The following FBN2 variants were observed in gnomAD, a reference collection of about 807,000 sequenced individuals.
FBN2 encodes the protein fibrillin-2.
Under a neutral mutation model 355.6 loss-of-function variants are expected in FBN2, and 105 were observed. That is an observed-to-expected ratio of 0.30 (90% CI 0.25 to 0.35). FBN2 has a LOEUF of 0.35. FBN2 is among the 10% of genes least tolerant of loss of function. The probability of loss-of-function intolerance (pLI) is 1.00; values close to 1 mark genes in which losing one functional copy is unlikely to be tolerated. For missense variants in FBN2, 3,280 were observed against 3,758.7 expected (o/e 0.87, Z 3.33); for synonymous variants, 1,350 against 1,301.2 (o/e 1.04, Z -0.81).
In FBN2 at chr5:128,354,574, C is replaced by T. The variant is rs1013034602; in HGVS notation, c.2674+2702G>A. Among the ~76,000 whole-genome samples, 5 of 152,074 alleles carry T rather than the reference C, an allele frequency of 3.3e-5. No individual in the cohort carries two copies. The East Asian group carries it at 7.7e-4, about 23-fold the overall frequency. On this transcript the variant is annotated intron_variant, in intron 20 of 64. Transcript: ENST00000262464. ...AAGGTAGAGGCTACAGTAGTAATTA[C>T]GAAGAGAAATGATGGTGACTTGGAT... is the stretch of plus-strand genomic sequence containing the variant.
intron 5 of FBN2, among the ~76,000 whole-genome samples, chr5:128,484,915 T>C (rs570067640): frequency 6.6e-6 from 1 of 152,180 alleles, no homozygotes; most frequent in Non-Finnish European, 1.5e-5. Context: ...GGCATGTGAC[T>C]GGGAGAGCAA....
At chr5:128,261,938 T>G in intron 63 of FBN2, 31 bp from the exon 64 acceptor site, 2 of 1,596,104 alleles carry the variant, frequency 1.3e-6, no homozygotes, top group Non-Finnish European at 1.7e-6. Flanking sequence ...ATTGTTAGAC[T>G]TTATCACTGA....
At chr5:128,475,172 CAA>C (rs1754977821) in intron 5 of FBN2, among the ~76,000 whole-genome samples, 1 of 152,118 alleles carries the variant, frequency 6.6e-6, no homozygotes, top group South Asian at 2.1e-4. Context: ...GGCGCAAGAG[CAA>C]AGACATCCCC....
intron 7 of FBN2, among the ~76,000 whole-genome samples, chr5:128,440,038 T>C (rs1005373926): frequency 6.6e-6 from 1 of 152,220 alleles, no homozygotes; most frequent in African/African-American, 2.4e-5. Flanking sequence ...TTGATTTAAA[T>C]GGCACAATTT....
At chr5:128,387,951 C>T (rs1165136039) in intron 11 of FBN2, among the ~76,000 whole-genome samples, 1 of 152,034 alleles carries the variant, frequency 6.6e-6, no homozygotes, top group Non-Finnish European at 1.5e-5. Flanking sequence ...GTGTTAAAGC[C>T]TCTCACTATT....
chr5:128,291,011 T>G, intron 49 of FBN2, 127 bp from the exon 50 acceptor site: 1 of 808,796 alleles, frequency 1.2e-6, no homozygotes, highest in South Asian at 1.7e-5. Flanking sequence ...AATCTTCGAT[T>G]GCTGATTTCA....
Position 128,312,772 on chromosome 5 carries a change from G to C in FBN2, c.4741C>G (p.Leu1581Val). ...CCATCTCCTCGAGGTCCAAACTTCA[G>C]GTAGCAGTTGCCCACACGGTTGTCT... ...CVDNRVGNCY[L>V]KFGPRGDGSL... is the part of the protein sequence containing the mutation. Residue 1581 changes from leucine (L) to valine (V), a missense_variant, in exon 37 of 65, where the codon CTG becomes GTG. Around this residue, in one of 6 missense-constraint regions of FBN2, gnomAD observed 2,284 missense variants for 2,749.5 expected, o/e 0.83. Coordinates refer to ENST00000262464, the MANE Select transcript of FBN2 (RefSeq NM_001999.4). The C allele has an allele frequency of 1.9e-6, 3 of 1,613,842 alleles. No individual in the cohort carries two copies. Among genetic ancestry groups the C allele is most frequent in the Non-Finnish European group, 2.5e-6 (3 of 1,180,022 alleles).
At chr5:128,317,851 ATCCTGG>A (rs1750252099) in intron 36 of FBN2, among the ~76,000 whole-genome samples, 2 of 152,200 alleles carry the variant, frequency 1.3e-5, no homozygotes, top group Non-Finnish European at 2.9e-5. Flanking sequence ...ACTCTGGGTT[ATCCTGG>A]CCAAACACTG....
chr5:128,525,431 A>T (rs972787978), intron 4 of FBN2, among the ~76,000 whole-genome samples: 1 of 152,176 alleles, frequency 6.6e-6, no homozygotes, highest in African/African-American at 2.4e-5. Context: ...AGTCTGTTGT[A>T]GAAAATGTGG....
chr5:128,472,946 C>T (rs1320484439), intron 5 of FBN2, among the ~76,000 whole-genome samples: 1 of 152,008 alleles, frequency 6.6e-6, no homozygotes, highest in Non-Finnish European at 1.5e-5. Flanking sequence ...CAAAAATAAA[C>T]TGAGTATTTT....
intron 7 of FBN2, among the ~76,000 whole-genome samples, chr5:128,429,807 T>C (rs1408479481): frequency 1.3e-5 from 2 of 152,210 alleles, no homozygotes; most frequent in Admixed American, 1.3e-4. Context: ...ATTTAATTTG[T>C]GAAAGATGAT....
chr5:128,475,930 A>T (rs2127100418), intron 5 of FBN2, among the ~76,000 whole-genome samples: 1 of 152,340 alleles, frequency 6.6e-6, no homozygotes, highest in East Asian at 1.9e-4. Flanking sequence ...TGATAACAAC[A>T]GGAACTGAGA....
At chr5:128,271,943 T>C in intron 62 of FBN2, 56 bp downstream of exon 62, 7 of 1,604,352 alleles carry the variant, frequency 4.4e-6, no homozygotes, top group African/African-American at 2.7e-5. Flanking sequence ...GTTCATCTTA[T>C]TCAGAGACAC....
At chr5:128,401,779 C>G (rs1752804416) in intron 8 of FBN2, among the ~76,000 whole-genome samples, 1 of 151,922 alleles carries the variant, frequency 6.6e-6, no homozygotes, top group Admixed American at 6.6e-5. Context: ...GATTCCGTCT[C>G]AAAGAAAAAA....
intron 8 of FBN2, among the ~76,000 whole-genome samples, chr5:128,401,535 C>T (rs1752797732): frequency 6.6e-6 from 1 of 152,122 alleles, no homozygotes; most frequent in Non-Finnish European, 1.5e-5. Context: ...GTAATCCCAG[C>T]ACTTTGGGAG....
At chr5:128,366,036 C>A (rs1751756257) in intron 17 of FBN2, among the ~76,000 whole-genome samples, 1 of 151,978 alleles carries the variant, frequency 6.6e-6, no homozygotes, top group Non-Finnish European at 1.5e-5. Context: ...TGCACCATTA[C>A]TTAATGTTTT....
rs779849582 is a variant in FBN2 at position 128,393,200 on chromosome 5, A to G, written c.1400T>C (p.Phe467Ser). 6.2e-6 allele frequency: 10 copies of G among 1,614,022 alleles called. No individual in the cohort carries two copies. In the African/African-American group the frequency reaches 1.1e-4, roughly 17 times the overall value. ...GFIPIPGGNG[F>S]SPGVGGAGVG... is the part of the protein sequence containing the mutation. Reference sequence around the variant, plus strand: ...ACCGGCTCCCCCAACGCCAGGAGAAAAGCCATTGCCTCCAGGGATGGGGAT... The same window carrying G: ...ACCGGCTCCCCCAACGCCAGGAGAAGAGCCATTGCCTCCAGGGATGGGGAT... The change falls in exon 10 of 65, where the codon TTT becomes TCT. Residue 467 changes from phenylalanine (F) to serine (S), a missense_variant. Phe to Ser is a radical substitution (Grantham distance 155). Transcript: ENST00000262464.
At chr5:128,398,008 T>C (rs1457406414) in intron 8 of FBN2, among the ~76,000 whole-genome samples, 2 of 151,890 alleles carry the variant, frequency 1.3e-5, no homozygotes, top group African/African-American at 4.8e-5. Context: ...TGATGCTCTG[T>C]GGAGGAAAAA....
At chr5:128,358,165 C>T (rs942772673) in intron 19 of FBN2, among the ~76,000 whole-genome samples, 1 of 151,898 alleles carries the variant, frequency 6.6e-6, no homozygotes, top group South Asian at 2.1e-4. Flanking sequence ...AAATGTCAAG[C>T]CTGTAATGTG....
Sources: gnomAD v4.1 joint callset for allele counts (sites outside exome capture counted in the v4.1 genomes callset) on GRCh38, gnomAD v4.1.1 for gene constraint, gnomAD v4.1.1 regional missense constraint, MANE v1.5 for transcripts, NCBI Gene and HGNC (gene_info 2026-07-23, HGNC 2026-07-21) for gene names.